The following FSTL5 variants were observed in gnomAD, a reference collection of about 807,000 sequenced individuals.
The protein encoded by FSTL5 is follistatin like 5.
Under a neutral mutation model 89.1 loss-of-function variants are expected in FSTL5, and 62 were observed. The observed-to-expected ratio is 0.70, with a 90% CI of 0.57 to 0.86. FSTL5 has a LOEUF of 0.86. Among genes scored for constraint, FSTL5 ranks in the 40% least tolerant of loss-of-function variants. FSTL5 has a pLI of 0.00. For missense variants in FSTL5, 1,057 were observed against 1,001.6 expected, an observed-to-expected ratio of 1.06 and a Z score of -0.75; for synonymous variants, 383 against 346.2, an observed-to-expected ratio of 1.11 and a Z score of -1.18.
intron 2 of FSTL5, among the ~76,000 whole-genome samples, chr4:162,078,890 T>G (rs2111328364): frequency 6.6e-6 from 1 of 151,822 alleles, no homozygotes; most frequent in African/African-American, 2.4e-5. Flanking sequence ...TAGAGAAACT[T>G]AATATAAGCA....
At chr4:161,489,202 A>G (rs544965679) in intron 12 of FSTL5, among the ~76,000 whole-genome samples, 4 of 152,112 alleles carry the variant, frequency 2.6e-5, no homozygotes. Flanking sequence ...GCAGGACTAG[A>G]TGATTGCTTT....
intron 7 of FSTL5, among the ~76,000 whole-genome samples, chr4:161,624,009 G>A (rs1019217557): frequency 6.6e-5 from 10 of 151,888 alleles, no homozygotes; most frequent in African/African-American, 2.2e-4. Flanking sequence ...ATGTATGAAA[G>A]TAAAAATTTC....
At chr4:161,413,077 A>G (rs1340158299) in intron 15 of FSTL5, among the ~76,000 whole-genome samples, 1 of 152,084 alleles carries the variant, frequency 6.6e-6, no homozygotes, top group African/African-American at 2.4e-5. Context: ...TTTTTAAGCT[A>G]AAGAGCTTCT....
At chr4:162,033,860 A>T (rs1242916084) in intron 2 of FSTL5, among the ~76,000 whole-genome samples, 2 of 152,122 alleles carry the variant, frequency 1.3e-5, no homozygotes, top group Admixed American at 1.3e-4. Context: ...GTGCAATGGC[A>T]TGAACATGGT....
rs542590585 is a variant in FSTL5, at chr4:161,718,612, T to C, written c.727+40799A>G. ...CCCGGCTACTTTTTTGTATTTTTAG[T>C]AGAGATGGGGTTTCACTATGTTAGC... is the stretch of plus-strand genomic sequence containing the variant. On this transcript the variant is annotated intron_variant, in intron 6 of 15. Coordinates refer to ENST00000306100, the MANE Select transcript of FSTL5 (RefSeq NM_020116.5). 1.6e-4 allele frequency among the ~76,000 whole-genome samples: 24 copies of C among 152,208 alleles called. 2 individuals carry two copies. The South Asian group carries it at 4.6e-3, about 29-fold the overall frequency.
In FSTL5 at chr4:161,941,680, T is replaced by A. The variant is rs117304617; in HGVS notation, c.161-21028A>T. Among the ~76,000 whole-genome samples the A allele has an allele frequency of 2.0e-3, 308 of 152,056 alleles. 1 individual carries two copies. Among genetic ancestry groups the A allele is most frequent in the South Asian group, 0.017 (83 of 4,826 alleles). On this transcript the variant is annotated intron_variant, in intron 3 of 15. Transcript: ENST00000306100. The stretch of plus-strand genomic sequence containing the variant: ...CTTGGCAGCATTGAAGACAGAAATT[T>A]GCAGTTCTAGTTGCAGACTTCAATA...
At chr4:161,708,182 G>C (rs1405492157) in intron 6 of FSTL5, among the ~76,000 whole-genome samples, 1 of 151,958 alleles carries the variant, frequency 6.6e-6, no homozygotes, top group Non-Finnish European at 1.5e-5. Flanking sequence ...CTCCTTGTAG[G>C]ATGTCCAAGA....
At chr4:162,151,747 A>G (rs1296202153) in intron 1 of FSTL5, among the ~76,000 whole-genome samples, 1 of 152,194 alleles carries the variant, frequency 6.6e-6, no homozygotes, top group Admixed American at 6.6e-5. Context: ...GGACACAGCA[A>G]TTTCAAGAGA....
intron 4 of FSTL5, among the ~76,000 whole-genome samples, chr4:161,790,019 A>G (rs1729405264): frequency 6.6e-6 from 1 of 152,218 alleles, no homozygotes; most frequent in Non-Finnish European, 1.5e-5. Flanking sequence ...GCATATTTAT[A>G]CTACCAGTTT....
At chr4:161,434,264 A>G (rs1302641808) in intron 15 of FSTL5, among the ~76,000 whole-genome samples, 1 of 151,918 alleles carries the variant, frequency 6.6e-6, no homozygotes, top group Non-Finnish European at 1.5e-5. Flanking sequence ...TATATACAGT[A>G]AAGTCATTTT....
rs139880785 is a variant in FSTL5, at chr4:161,935,562, A to G, written c.161-14910T>C. ...ACAAAGATCTCTTTAAATACCACAG[A>G]GAGGTAATTAAAAATTGGACATCTT... On this transcript the variant is annotated intron_variant, in intron 3 of 15. Coordinates refer to ENST00000306100, the MANE Select transcript of FSTL5 (RefSeq NM_020116.5). 4.7e-4 allele frequency among the ~76,000 whole-genome samples: 72 copies of G among 152,254 alleles called. 2 individuals are homozygous for G. The East Asian group carries it at 0.011, about 23-fold the overall frequency.
At chr4:161,542,072 G>T (rs1433793580) in intron 9 of FSTL5, among the ~76,000 whole-genome samples, 1 of 151,792 alleles carries the variant, frequency 6.6e-6, no homozygotes, top group Non-Finnish European at 1.5e-5. Context: ...AAAACATTTA[G>T]TAACTTTTTG....
intron 10 of FSTL5, among the ~76,000 whole-genome samples, chr4:161,519,640 A>G (rs538305982): frequency 6.6e-6 from 1 of 152,314 alleles, no homozygotes; most frequent in South Asian, 2.1e-4. Flanking sequence ...CTAATTATAT[A>G]TACATACTAA....
chr4:161,790,773 T>G (rs1378032576), intron 4 of FSTL5, among the ~76,000 whole-genome samples: 1 of 152,220 alleles, frequency 6.6e-6, no homozygotes, highest in African/African-American at 2.4e-5. Context: ...TCAGATTTAG[T>G]CAATAACATG....
At chr4:162,081,864 T>C (rs926355169) in intron 2 of FSTL5, among the ~76,000 whole-genome samples, 1 of 151,442 alleles carries the variant, frequency 6.6e-6, no homozygotes, top group Non-Finnish European at 1.5e-5. Flanking sequence ...TAAGAATATT[T>C]ACTTCAATGA....
chr4:162,128,064 A>C (rs2111450503), intron 1 of FSTL5, among the ~76,000 whole-genome samples: 1 of 151,994 alleles, frequency 6.6e-6, no homozygotes, highest in African/African-American at 2.4e-5. Context: ...TGAAACATGT[A>C]AAACTAGAAT....
intron 14 of FSTL5, among the ~76,000 whole-genome samples, chr4:161,456,841 A>T (rs1733371436): frequency 6.6e-6 from 1 of 152,182 alleles, no homozygotes; most frequent in African/African-American, 2.4e-5. Context: ...TTAGAGAATT[A>T]TCTCCTTTGA....
At chr4:162,064,257 A>C (rs1738816081) in intron 2 of FSTL5, among the ~76,000 whole-genome samples, 1 of 151,986 alleles carries the variant, frequency 6.6e-6, no homozygotes. Context: ...TACCTGCATG[A>C]TATTTTGCTA....
intron 8 of FSTL5, among the ~76,000 whole-genome samples, chr4:161,584,305 T>A (rs1733534468): frequency 6.6e-6 from 1 of 152,198 alleles, no homozygotes; most frequent in Non-Finnish European, 1.5e-5. Flanking sequence ...ACTGTGAATC[T>A]TTTCCCAAAC....
Sources: allele counts gnomAD v4.1 joint callset (sites outside exome capture counted in the v4.1 genomes callset), GRCh38; gene constraint gnomAD v4.1.1; transcripts MANE v1.5; gene names NCBI Gene and HGNC (gene_info 2026-07-23, HGNC 2026-07-21).